The following TMEM80 variants were observed in gnomAD, a reference collection of about 807,000 sequenced individuals.
TMEM80 encodes transmembrane protein 80.
In TMEM80, 16 loss-of-function variants were observed where a neutral mutation model predicts 13.6. That is an observed-to-expected ratio of 1.17 (90% CI 0.79 to 1.78). TMEM80 has a LOEUF of 1.78. Ranked by LOEUF, TMEM80 falls within the 40% of genes most tolerant of loss-of-function variation. The pLI is 0.00. For missense variants in TMEM80, 167 were observed against 184.6 expected, an observed-to-expected ratio of 0.90 and a Z score of 0.55; for synonymous variants, 92 against 89.5, an observed-to-expected ratio of 1.03 and a Z score of -0.16.
At position 703,318 on chromosome 11, in the gene TMEM80, G is replaced by C. The variant is rs1861585526; in HGVS notation, c.*168G>C. The C allele has an allele frequency of 7.1e-7, 1 of 1,415,090 alleles. No homozygotes were observed. Among genetic ancestry groups the C allele is most frequent in the Admixed American group, 3.1e-5 (1 of 32,472 alleles). The allele number at this position is 1,415,090 out of a possible 1,614,324, so 87.7% of individuals were successfully genotyped here. A position where few individuals can be genotyped will look rare whatever the true frequency, so the allele number is the denominator to read the frequency against. On this transcript the variant is annotated 3_prime_UTR_variant, in exon 5 of 5. Transcript: ENST00000397510. Reference sequence around the variant, plus strand: ...CTGGCAGGAGTGGGAGCAGGAGCCAGGGCAGAACAAACTGCTGGAGGCCCT... The same window carrying C: ...CTGGCAGGAGTGGGAGCAGGAGCCACGGCAGAACAAACTGCTGGAGGCCCT...
At chr11:702,919 T>C in intron 4 of TMEM80, 26 bp from the exon 5 acceptor site, 1 of 1,555,064 alleles carries the variant, frequency 6.4e-7, no homozygotes, top group Non-Finnish European at 8.7e-7. Flanking sequence ...CGCACCACCT[T>C]CCCTCCCCTT....
chr11:703,485 C>A lies in TMEM80; in HGVS notation c.*335C>A. ...ACAGACCCCCATGGGCCCCCAGGGC[C>A]GAGAGGGAGGACAGAGCCCTTCAGA... On this transcript the variant is annotated 3_prime_UTR_variant, in exon 5 of 5. Transcript: ENST00000397510. The A allele has an allele frequency of 4.0e-6, 5 of 1,255,484 alleles. No individual in the cohort carries two copies. Among genetic ancestry groups the A allele is most frequent in the Non-Finnish European group, 5.0e-6 (5 of 1,002,016 alleles). The allele number at this position is 1,255,484 out of a possible 1,614,324, so 77.8% of individuals were successfully genotyped here. A position where few individuals can be genotyped will look rare whatever the true frequency, so the allele number is the denominator to read the frequency against.
rs1209898966 is a variant in TMEM80, at chr11:703,350, G to A, written c.*200G>A. 2.1e-6 allele frequency: 3 copies of A among 1,395,978 alleles called. No individual in the cohort carries two copies. The East Asian group carries it at 8.0e-5, about 37-fold the overall frequency. The allele number at this position is 1,395,978 out of a possible 1,614,324, so 86.5% of individuals were successfully genotyped here. A position where few individuals can be genotyped will look rare whatever the true frequency, so the allele number is the denominator to read the frequency against. The stretch of plus-strand genomic sequence containing the variant: ...ACAAACTGCTGGAGGCCCTGGTGTT[G>A]GGAACAGCTGCGGGGAGGGTAGGGA... On this transcript the variant is annotated 3_prime_UTR_variant, in exon 5 of 5. Coordinates refer to ENST00000397510, the MANE Select transcript of TMEM80 (RefSeq NM_001042463.3).
chr11:703,481 G>C lies in TMEM80; in HGVS notation c.*331G>C. ...CTCCACAGACCCCCATGGGCCCCCA[G>C]GGCCGAGAGGGAGGACAGAGCCCTT... On this transcript the variant is annotated 3_prime_UTR_variant, in exon 5 of 5. Coordinates refer to ENST00000397510, the MANE Select transcript of TMEM80 (RefSeq NM_001042463.3). The C allele has an allele frequency of 8.0e-7, 1 of 1,257,202 alleles. No homozygotes were observed. The highest frequency in any genetic ancestry group is 3.4e-5 in the South Asian group (1 of 29,360). The allele number at this position is 1,257,202 out of a possible 1,614,324, so 77.9% of individuals were successfully genotyped here. A position where few individuals can be genotyped will look rare whatever the true frequency, so the allele number is the denominator to read the frequency against.
chr11:704,962 C>A, downstream of TMEM80: 1 of 329,354 alleles, frequency 3.0e-6, no homozygotes, highest in South Asian at 2.4e-5. Context: ...TGGGTCAGGG[C>A]AAGCTCATGC....
chr11:704,351 C>T (rs973063447), downstream of TMEM80: 2 of 943,432 alleles, frequency 2.1e-6, no homozygotes, highest in Non-Finnish European at 2.9e-6. Context: ...GCTGTGGCAC[C>T]TGGACAGTCT....
At chr11:695,671 G>A (rs1861097973), upstream of TMEM80, 2 of 1,244,140 alleles carry the variant, frequency 1.6e-6, no homozygotes, top group South Asian at 3.9e-5. Context: ...GTGCCGGACG[G>A]ACTAATCGGG....
chr11:696,860 A>C (rs1861202476), intron 1 of TMEM80, among the ~76,000 whole-genome samples: 1 of 132,684 alleles, frequency 7.5e-6, no homozygotes, highest in Non-Finnish European at 1.6e-5. Flanking sequence ...CGGGCGGATC[A>C]CCTGAGGTCG....
downstream of TMEM80, chr11:704,801 T>A (rs985731718): frequency 8.3e-6 from 4 of 480,634 alleles, no homozygotes; most frequent in African/African-American, 8.1e-5. Flanking sequence ...CAAAATCGTG[T>A]TGACAGGCAC....
At chr11:700,310 T>G in intron 3 of TMEM80, 75 bp downstream of exon 3, 1 of 1,356,982 alleles carries the variant, frequency 7.4e-7, no homozygotes, top group Non-Finnish European at 1.0e-6. Flanking sequence ...GCGGATCACT[T>G]GAGGTCAGGA....
chr11:700,909 G>C (rs977878336), intron 4 of TMEM80: 2 of 615,216 alleles, frequency 3.3e-6, no homozygotes, highest in African/African-American at 3.7e-5. Flanking sequence ...AATAACACTG[G>C]GGGCATCGTT....
chr11:699,039 T>C (rs1400868290), intron 2 of TMEM80, 151 bp downstream of exon 2: 11 of 899,096 alleles, frequency 1.2e-5, no homozygotes, highest in Non-Finnish European at 1.8e-6. Flanking sequence ...TTTAGAGAGT[T>C]GATGTAACTT....
chr11:702,850 C>T (rs768705958), intron 4 of TMEM80, 95 bp from the exon 5 acceptor site: 4 of 1,241,234 alleles, frequency 3.2e-6, no homozygotes, highest in Admixed American at 4.7e-5. Context: ...GGGCAAGGAG[C>T]TGCTCTGGTC....
chr11:698,248 A>T (rs1250039957), intron 1 of TMEM80, among the ~76,000 whole-genome samples: 1 of 151,998 alleles, frequency 6.6e-6, no homozygotes, highest in Non-Finnish European at 1.5e-5. Flanking sequence ...AAAACCTCAG[A>T]ATCAAAAAGG....
intron 1 of TMEM80, among the ~76,000 whole-genome samples, chr11:697,016 G>A (rs955906116): frequency 1.3e-5 from 2 of 148,486 alleles, no homozygotes; most frequent in Non-Finnish European, 3.0e-5. Flanking sequence ...TGGTGGTGGT[G>A]GGGGGGGTGG....
downstream of TMEM80, chr11:704,377 G>A (rs1202584566): frequency 8.1e-6 from 9 of 1,116,152 alleles, no homozygotes; most frequent in East Asian, 2.9e-4. Flanking sequence ...GCCTGTCTTC[G>A]TGGAAGCGGT....
chr11:702,926 C>CG lies in TMEM80; in HGVS notation c.227-19_227-18insG. ...GAGCGCCTCGCACCACCTTCCCTCC[C>CG]CTTTGCTCTGTTCTCCAGGCACCAG... On this transcript the variant is annotated intron_variant, in intron 4 of 4. Coordinates refer to ENST00000397510, the MANE Select transcript of TMEM80 (RefSeq NM_001042463.3). 8 of 1,596,048 alleles carry CG rather than the reference C, an allele frequency of 5.0e-6. No homozygotes were observed. Among genetic ancestry groups the CG allele is most frequent in the Non-Finnish European group, 6.8e-6 (8 of 1,169,286 alleles).
intron 1 of TMEM80, among the ~76,000 whole-genome samples, chr11:697,165 G>A (rs370181632): frequency 2.0e-5 from 3 of 151,820 alleles, no homozygotes; most frequent in South Asian, 4.2e-4. Flanking sequence ...GAGGCTGGCG[G>A]ATCACTGGAG....
chr11:704,248 C>T, downstream of TMEM80: 1 of 791,958 alleles, frequency 1.3e-6, no homozygotes, highest in Non-Finnish European at 1.7e-6. Flanking sequence ...GCCCTGGCTG[C>T]CGGGCGCCTT....
Sources: allele counts gnomAD v4.1 joint callset (sites outside exome capture counted in the v4.1 genomes callset), GRCh38; gene constraint gnomAD v4.1.1; transcripts MANE v1.5; gene names NCBI Gene and HGNC (gene_info 2026-07-23, HGNC 2026-07-21).